YES1: variants seen among roughly 807,000 people sequenced by gnomAD.
YES1 encodes tyrosine-protein kinase Yes.
A neutral mutation model predicts 70.4 loss-of-function variants in YES1; 39 were observed. The ratio of observed to expected loss-of-function variants is 0.55; its 90% CI spans 0.43 to 0.72. YES1 has a LOEUF of 0.72. YES1 is among the 30% of genes least tolerant of loss of function. YES1 has a pLI of 0.00. For missense variants in YES1, 495 were observed against 644.8 expected (o/e 0.77, Z 2.52); for synonymous variants, 198 against 218.6 (o/e 0.91, Z 0.83).
At chr18:798,999 C>A (rs1308054870) in intron 1 of YES1, among the ~76,000 whole-genome samples, 6 of 152,178 alleles carry the variant, frequency 3.9e-5, no homozygotes, top group African/African-American at 1.4e-4. Context: ...AGCTTACCAC[C>A]TCAAATATAA....
At chr18:811,517 C>G (rs1907378743) in intron 1 of YES1, among the ~76,000 whole-genome samples, 1 of 152,192 alleles carries the variant, frequency 6.6e-6, no homozygotes, top group African/African-American at 2.4e-5. Flanking sequence ...CAACGGGAGG[C>G]GGAGTGGCAT....
intron 1 of YES1, among the ~76,000 whole-genome samples, chr18:778,730 T>A (rs1018517070): frequency 2.6e-5 from 4 of 152,232 alleles, no homozygotes; most frequent in African/African-American, 9.6e-5. Flanking sequence ...GGCCGTAGTC[T>A]ATGATTTTTC....
At chr18:777,422 C>G (rs1286677096) in intron 1 of YES1, among the ~76,000 whole-genome samples, 1 of 152,178 alleles carries the variant, frequency 6.6e-6, no homozygotes, top group South Asian at 2.1e-4. Flanking sequence ...TCTAGAAATA[C>G]TTGTAGGTTT....
intron 5 of YES1, 24 bp from the exon 6 acceptor site, chr18:745,881 A>G (rs751526421): frequency 6.2e-7 from 1 of 1,608,412 alleles, no homozygotes; most frequent in Non-Finnish European, 8.5e-7. Flanking sequence ...AAATACTTTC[A>G]CTATATCTTT....
chr18:747,995 C>G lies in YES1; in HGVS notation c.395G>C (p.Arg132Thr), dbSNP rs764289588. The change falls in exon 4 of 12, where the codon AGA (arginine) becomes ACA (threonine). Residue 132 changes from arginine to threonine, a missense_variant. By Grantham distance (71) the Arg-to-Thr change is moderately conservative. Around this residue, in one of 2 missense-constraint regions of YES1, gnomAD observed 385 missense variants for 540.9 expected, o/e 0.71. Transcript: ENST00000314574. Reference sequence around the variant, plus strand: ...ACCATTCTTTCCTGTAGCGATTGATCTTGCTTCCCACCAATCTCCTTCCCT... The same window carrying G: ...ACCATTCTTTCCTGTAGCGATTGATGTTGCTTCCCACCAATCTCCTTCCCT... ...NNTEGDWWEA[R>T]SIATGKNGYI... 6 of 1,613,890 alleles carry G rather than the reference C, an allele frequency of 3.7e-6. No individual in the cohort carries two copies. Among genetic ancestry groups the G allele is most frequent in the Non-Finnish European group, 5.1e-6 (6 of 1,179,970 alleles).
intron 1 of YES1, among the ~76,000 whole-genome samples, chr18:767,324 A>G (rs535005543): frequency 4.0e-5 from 6 of 151,890 alleles, no homozygotes; most frequent in South Asian, 4.2e-4. Context: ...TCATTTTTGT[A>G]TTTTTTTGTA....
chr18:778,455 A>G lies in YES1; in HGVS notation c.-8-21620T>C, dbSNP rs190346269. 9.3e-4 allele frequency among the ~76,000 whole-genome samples: 141 copies of G among 152,362 alleles called. 2 individuals carry two copies. The highest frequency in any genetic ancestry group is 3.3e-3 in the African/African-American group (136 of 41,588). ...TGCCTTATTATTAGTAACAGTGACT[A>G]AAAATTTTCAAATGATTTAACACAT... On this transcript the variant is annotated intron_variant, in intron 1 of 11. Transcript: ENST00000314574.
intron 1 of YES1, among the ~76,000 whole-genome samples, chr18:784,690 C>G (rs923866773): frequency 6.6e-6 from 1 of 152,176 alleles, no homozygotes. Context: ...ACCTTTAAGG[C>G]CTGGAATGTT....
intron 1 of YES1, among the ~76,000 whole-genome samples, chr18:758,077 A>T (rs1173186016): frequency 6.6e-6 from 1 of 152,176 alleles, no homozygotes; most frequent in African/African-American, 2.4e-5. Context: ...CATAATTTTA[A>T]ATTTTCTAAT....
intron 1 of YES1, among the ~76,000 whole-genome samples, chr18:801,266 G>A (rs1906807359): frequency 6.6e-6 from 1 of 152,214 alleles, no homozygotes; most frequent in Non-Finnish European, 1.5e-5. Flanking sequence ...CCAGGAAGAA[G>A]AGGCTGCAGT....
chr18:812,044 G>A (rs2145852832), intron 1 of YES1, 70 bp downstream of exon 1: 1 of 168,440 alleles, frequency 5.9e-6, no homozygotes, highest in Non-Finnish European at 1.2e-5. Flanking sequence ...GGCGGCTCCG[G>A]GCGCTGGGGC....
At chr18:793,109 G>A (rs1193823735) in intron 1 of YES1, among the ~76,000 whole-genome samples, 2 of 150,584 alleles carry the variant, frequency 1.3e-5, no homozygotes, top group African/African-American at 2.4e-5. Context: ...GTGCGATCTG[G>A]GCTCACTGCA....
At chr18:812,327 G>GCCCCCCCCCCCCCCCCCCCCCCC (rs10617278), upstream of YES1, 2 of 145,056 alleles carry the variant, frequency 1.4e-5, no homozygotes, top group African/African-American at 2.5e-5. Context: ...CACCTCCTCC[G>GCCCCCCCCCCCCCCCCCCCCCCC]CCCCCCCCCC....
intron 1 of YES1, 54 bp from the exon 2 acceptor site, chr18:756,889 A>G: frequency 6.7e-7 from 1 of 1,494,956 alleles, no homozygotes; most frequent in Non-Finnish European, 9.0e-7. Flanking sequence ...GATACTTCAA[A>G]AAGACAGGGT....
At chr18:756,436 A>C in intron 2 of YES1, 121 bp downstream of exon 2, 1 of 1,312,482 alleles carries the variant, frequency 7.6e-7, no homozygotes, top group South Asian at 1.5e-5. Flanking sequence ...TGATTTTCAC[A>C]TACAATTATT....
At chr18:741,738 A>G (rs371247254) in intron 8 of YES1, among the ~76,000 whole-genome samples, 73 of 152,268 alleles carry the variant, frequency 4.8e-4, no homozygotes, top group African/African-American at 1.7e-3. Flanking sequence ...AGGGAGGTCC[A>G]AGCTGCAGAG....
At chr18:792,104 T>A (rs1397708615) in intron 1 of YES1, among the ~76,000 whole-genome samples, 1 of 152,136 alleles carries the variant, frequency 6.6e-6, no homozygotes, top group Non-Finnish European at 1.5e-5. Flanking sequence ...AATGGTTTAG[T>A]TTTAGGGTCT....
chr18:744,238 G>T (rs1025322200), intron 6 of YES1, among the ~76,000 whole-genome samples: 2 of 151,864 alleles, frequency 1.3e-5, no homozygotes, highest in Non-Finnish European at 2.9e-5. Flanking sequence ...ATCTAGGTCT[G>T]TCTGCTTCCA....
intron 11 of YES1, among the ~76,000 whole-genome samples, chr18:728,694 T>C (rs1012353885): frequency 6.6e-6 from 1 of 152,086 alleles, no homozygotes; most frequent in African/African-American, 2.4e-5. Flanking sequence ...CCCAGCTAAT[T>C]TTTGTATTTT....
Sources: allele counts gnomAD v4.1 joint callset (sites outside exome capture counted in the v4.1 genomes callset), GRCh38; gene constraint gnomAD v4.1.1; regional missense constraint gnomAD v4.1.1; transcripts MANE v1.5; gene names NCBI Gene and HGNC (gene_info 2026-07-23, HGNC 2026-07-21).